Variants in HMGA2 observed in about 807,000 individuals in gnomAD.
HMGA2 encodes high mobility group protein HMGI-C.
In HMGA2, 8 loss-of-function variants were observed where a neutral mutation model predicts 19.1. The observed-to-expected ratio is 0.42, with a 90% CI of 0.25 to 0.76. HMGA2 has a LOEUF of 0.76. Among genes scored for constraint, HMGA2 ranks in the 30% least tolerant of loss-of-function variants. The pLI, the probability that HMGA2 is intolerant of heterozygous loss-of-function variation, is 0.28. For missense variants in HMGA2, 109 were observed against 136.3 expected (o/e 0.80, Z 1.00); for synonymous variants, 60 against 48.8 (o/e 1.23, Z -0.96).
intron 3 of HMGA2, among the ~76,000 whole-genome samples, chr12:65,880,764 G>A (rs546916149): frequency 3.9e-5 from 6 of 152,040 alleles, no homozygotes; most frequent in Non-Finnish European, 8.8e-5. Context: ...AGGTCTTGGG[G>A]TTTAGGTTTC....
At chr12:65,891,582 A>G (rs1196347827) in intron 3 of HMGA2, among the ~76,000 whole-genome samples, 1 of 152,200 alleles carries the variant, frequency 6.6e-6, no homozygotes, top group African/African-American at 2.4e-5. Flanking sequence ...AAGTGACATG[A>G]TGCACAGTGC....
chr12:65,847,425 C>G (rs80222647), intron 3 of HMGA2, among the ~76,000 whole-genome samples: 382 of 152,164 alleles, frequency 2.5e-3, no homozygotes, highest in South Asian at 8.9e-3. Context: ...TTTAAATCAC[C>G]AGGTCTTATA....
intron 3 of HMGA2, among the ~76,000 whole-genome samples, chr12:65,850,402 T>C (rs956926819): frequency 2.0e-5 from 3 of 152,162 alleles, no homozygotes; most frequent in Non-Finnish European, 4.4e-5. Context: ...TTTCCTGCTA[T>C]GATAAAGCAA....
intron 3 of HMGA2, among the ~76,000 whole-genome samples, chr12:65,944,629 C>T (rs1876198448): frequency 6.7e-6 from 1 of 148,224 alleles, no homozygotes; most frequent in Non-Finnish European, 1.5e-5. Flanking sequence ...CTAATACAGC[C>T]TAATGACAAG....
At chr12:65,872,390 G>T (rs1046279297) in intron 3 of HMGA2, among the ~76,000 whole-genome samples, 1 of 152,016 alleles carries the variant, frequency 6.6e-6, no homozygotes, top group Non-Finnish European at 1.5e-5. Context: ...TCTGCACGTC[G>T]CTCGTCTCCA....
At chr12:65,893,597 G>A (rs903185111) in intron 3 of HMGA2, among the ~76,000 whole-genome samples, 2 of 152,182 alleles carry the variant, frequency 1.3e-5, no homozygotes, top group African/African-American at 4.8e-5. Flanking sequence ...AGAGGTAGCG[G>A]CTGGTGAGAA....
chr12:65,943,040 G>A (rs964619605), intron 3 of HMGA2, among the ~76,000 whole-genome samples: 12 of 151,748 alleles, frequency 7.9e-5, no homozygotes, highest in Admixed American at 7.2e-4. Flanking sequence ...TGATGAGCAC[G>A]CCTCCCCGCA....
chr12:65,858,663 T>C (rs1178638423), intron 3 of HMGA2: 2 of 152,182 alleles, frequency 1.3e-5, no homozygotes, highest in Non-Finnish European at 2.9e-5. Context: ...GCCTAGTTAT[T>C]TGACATTCCA....
chr12:65,889,024 A>G (rs1050242733), intron 3 of HMGA2, among the ~76,000 whole-genome samples: 4 of 152,106 alleles, frequency 2.6e-5, no homozygotes, highest in Non-Finnish European at 5.9e-5. Context: ...TATATGCTTG[A>G]TATCTTGTTT....
At chr12:65,961,650 G>A (rs751141973) in intron 4 of HMGA2, among the ~76,000 whole-genome samples, 2 of 152,104 alleles carry the variant, frequency 1.3e-5, no homozygotes, top group Admixed American at 6.5e-5. Flanking sequence ...TTTACAGCTC[G>A]CTCAGTCTTC....
intron 4 of HMGA2, chr12:65,952,134 A>G: frequency 2.1e-6 from 1 of 467,136 alleles, no homozygotes; most frequent in Non-Finnish European, 3.8e-6. Flanking sequence ...TAATAATGTG[A>G]GCCAGTATTA....
At chr12:65,853,449 C>T (rs1488638488) in intron 3 of HMGA2, among the ~76,000 whole-genome samples, 1 of 152,048 alleles carries the variant, frequency 6.6e-6, no homozygotes, top group African/African-American at 2.4e-5. Context: ...GCTGAAAGTA[C>T]ATAAGTTTGA....
At chr12:65,884,462 G>A (rs2121111142) in intron 3 of HMGA2, among the ~76,000 whole-genome samples, 1 of 152,290 alleles carries the variant, frequency 6.6e-6, no homozygotes, top group East Asian at 1.9e-4. Context: ...TCACCAAATT[G>A]TGCCTGGTCA....
At chr12:65,909,598 A>G (rs1874753506) in intron 3 of HMGA2, among the ~76,000 whole-genome samples, 1 of 152,168 alleles carries the variant, frequency 6.6e-6, no homozygotes, top group Non-Finnish European at 1.5e-5. Context: ...GAAACCAACC[A>G]ACCAACAAAG....
intron 3 of HMGA2, among the ~76,000 whole-genome samples, chr12:65,918,402 G>A (rs1875185518): frequency 6.6e-6 from 1 of 152,192 alleles, no homozygotes; most frequent in Admixed American, 6.5e-5. Flanking sequence ...TGTAAGCAGG[G>A]CTGGTGAGAA....
At chr12:65,942,603 G>C (rs1487852019) in intron 3 of HMGA2, 1 of 152,088 alleles carries the variant, frequency 6.6e-6, no homozygotes, top group Non-Finnish European at 1.5e-5. Context: ...GAGATGAAAA[G>C]TCAACTTCTG....
chr12:65,955,555 C>T (rs1443361705), intron 4 of HMGA2: 1 of 152,110 alleles, frequency 6.6e-6, no homozygotes, highest in East Asian at 1.9e-4. Flanking sequence ...AAAGGGAAAA[C>T]AGGTTTTTAA....
intron 3 of HMGA2, chr12:65,843,413 G>A (rs987353370): frequency 4.9e-6 from 1 of 202,190 alleles, no homozygotes; most frequent in African/African-American, 2.3e-5. Flanking sequence ...GAGGATTTTA[G>A]ATAAGACAGC....
At chr12:65,852,969 C>G (rs1871550160) in intron 3 of HMGA2, among the ~76,000 whole-genome samples, 1 of 152,158 alleles carries the variant, frequency 6.6e-6, no homozygotes, top group Non-Finnish European at 1.5e-5. Flanking sequence ...CAAAACATAT[C>G]TAAATGAGAA....
Sources: gnomAD v4.1 joint callset for allele counts (sites outside exome capture counted in the v4.1 genomes callset) on GRCh38, gnomAD v4.1.1 for gene constraint, MANE v1.5 for transcripts, NCBI Gene and HGNC (gene_info 2026-07-23, HGNC 2026-07-21) for gene names.